DHRSX: variants seen among roughly 807,000 people sequenced by gnomAD.
DHRSX encodes the protein dehydrogenase/reductase X-linked.
DHRSX carries 31 observed loss-of-function variants against 34.0 expected under a neutral mutation model. That is an observed-to-expected ratio of 0.91 (90% confidence interval 0.69 to 1.23). DHRSX has a LOEUF of 1.23. Among genes scored for constraint, DHRSX ranks in the 50% most tolerant of loss-of-function variants. DHRSX has a pLI of 0.00. For missense variants in DHRSX, 414 were observed against 428.1 expected, an observed-to-expected ratio of 0.97 and a Z score of 0.29; for synonymous variants, 201 against 183.8, an observed-to-expected ratio of 1.09 and a Z score of -0.76.
At chrX:2,489,794 C>G in intron 1 of DHRSX, 2 of 1,613,476 alleles carry the variant, frequency 1.2e-6, no homozygotes, top group Non-Finnish European at 1.7e-6. Context: ...CAGCAGCGCC[C>G]CCAGCTTCGG....
At chrX:2,236,856 G>A (rs1460249094) in intron 6 of DHRSX, among the ~76,000 whole-genome samples, 30 of 150,896 alleles carry the variant, frequency 2.0e-4, no homozygotes, top group Non-Finnish European at 3.8e-4. Context: ...AGAAGGTCCA[G>A]AGAGGGTGGT....
chrX:2,405,187 A>G (rs920149810), intron 3 of DHRSX, among the ~76,000 whole-genome samples: 4 of 152,112 alleles, frequency 2.6e-5, no homozygotes, highest in Non-Finnish European at 5.9e-5. Flanking sequence ...TTTCACTCTC[A>G]TGGCTTTAAA....
At chrX:2,329,051 ATTAT>A (rs1315174659) in intron 3 of DHRSX, among the ~76,000 whole-genome samples, 1 of 152,194 alleles carries the variant, frequency 6.6e-6, no homozygotes, top group African/African-American at 2.4e-5. Flanking sequence ...AGAAATAAAA[ATTAT>A]TTAATTATTC....
chrX:2,459,371 G>C (rs770107498), intron 1 of DHRSX, among the ~76,000 whole-genome samples: 12 of 151,870 alleles, frequency 7.9e-5, no homozygotes, highest in East Asian at 3.9e-4. Flanking sequence ...TAATTAGCTT[G>C]ATTGTTAATA....
intron 4 of DHRSX, among the ~76,000 whole-genome samples, chrX:2,273,965 C>T (rs1265204285): frequency 2.0e-5 from 3 of 152,152 alleles, no homozygotes; most frequent in Non-Finnish European, 2.9e-5. Context: ...AGCAGCCACG[C>T]GCAGGGGCCC....
At chrX:2,347,333 G>A (rs1221820441) in intron 3 of DHRSX, among the ~76,000 whole-genome samples, 10 of 152,124 alleles carry the variant, frequency 6.6e-5, no homozygotes, top group Non-Finnish European at 1.2e-4. Flanking sequence ...GAACAGCAGG[G>A]CAAAGACCTG....
At chrX:2,250,315 G>A (rs73628253) in intron 5 of DHRSX, among the ~76,000 whole-genome samples, 17,915 of 151,996 alleles carry the variant, frequency 0.12, 3,315 homozygotes, top group African/African-American at 0.39. Context: ...CTTGGATCTC[G>A]TGAGAAAGAA....
At chrX:2,275,618 A>C (rs2124473683) in intron 4 of DHRSX, among the ~76,000 whole-genome samples, 1 of 151,946 alleles carries the variant, frequency 6.6e-6, no homozygotes, top group South Asian at 2.1e-4. Context: ...TGCACCCCTA[A>C]GCCCTTTTTT....
intron 5 of DHRSX, among the ~76,000 whole-genome samples, chrX:2,266,349 A>G (rs1050778249): frequency 3.4e-5 from 5 of 145,090 alleles, no homozygotes; most frequent in Non-Finnish European, 7.5e-5. Context: ...CTGTCCCCAG[A>G]GCACCAGTGC....
chrX:2,291,390 A>G (rs1602881138), intron 4 of DHRSX, 112 bp downstream of exon 4: 4 of 820,620 alleles, frequency 4.9e-6, no homozygotes, highest in Non-Finnish European at 8.3e-6. Context: ...GGTATGTTCA[A>G]TAATTCCCAT....
chrX:2,484,077 G>A (rs1378620722), intron 1 of DHRSX, among the ~76,000 whole-genome samples: 1 of 152,212 alleles, frequency 6.6e-6, no homozygotes, highest in East Asian at 1.9e-4. Context: ...CCTGGTTCAC[G>A]CGATTCTCCT....
intron 5 of DHRSX, among the ~76,000 whole-genome samples, chrX:2,263,725 A>T (rs1301517267): frequency 6.6e-6 from 1 of 151,830 alleles, no homozygotes; most frequent in Non-Finnish European, 1.5e-5. Flanking sequence ...GTTGGTCAGG[A>T]TGGTCTCGAT....
chrX:2,492,161 C>T lies in DHRSX; in HGVS notation c.109+8656G>A, dbSNP rs772626201. ...AAAGAAAATCTGTATCCACCTGGTACTTGTGTATGGGACCTTGTTTGGAAA... is the reference window on the plus strand; with the variant it reads ...AAAGAAAATCTGTATCCACCTGGTATTTGTGTATGGGACCTTGTTTGGAAA... On this transcript the variant is annotated intron_variant, in intron 1 of 6. Transcript: ENST00000334651. Among the ~76,000 whole-genome samples the T allele has an allele frequency of 3.3e-5, 5 of 152,260 alleles. No individual in the cohort carries two copies. The East Asian group carries it at 5.8e-4, about 18-fold the overall frequency.
At chrX:2,350,178 C>T (rs2042772627) in intron 3 of DHRSX, among the ~76,000 whole-genome samples, 1 of 151,914 alleles carries the variant, frequency 6.6e-6, no homozygotes, top group South Asian at 2.1e-4. Context: ...GGGGAAACAC[C>T]GTCTCTACTA....
At position 2,276,893 on chromosome X, in the gene DHRSX, A is replaced by AAG. The variant is rs1376426949; in HGVS notation, c.389-9948_389-9947dup. 6.4e-3 allele frequency among the ~76,000 whole-genome samples: 85 copies of AAG among 13,214 alleles called. 14 individuals carry two copies. The highest frequency in any genetic ancestry group is 0.12 in the Middle Eastern group (2 of 16). The allele number at this position is 13,214 out of a possible 152,430, so 8.7% of individuals were successfully genotyped here. ...GAGAAGGAGGGGAGGAAATAGGGGA[A>AAG]AGAGAGAAAGAGAGATGGAGAGGGA... On this transcript the variant is annotated intron_variant, in intron 4 of 6. Coordinates refer to ENST00000334651, the MANE Select transcript of DHRSX (RefSeq NM_145177.3).
At chrX:2,226,365 G>GC (rs1478996918) in intron 6 of DHRSX, among the ~76,000 whole-genome samples, 1 of 152,064 alleles carries the variant, frequency 6.6e-6, no homozygotes, top group Non-Finnish European at 1.5e-5. Context: ...CATTCAGTCT[G>GC]CCCCACAGCT....
intron 3 of DHRSX, among the ~76,000 whole-genome samples, chrX:2,349,153 T>A (rs1350489333): frequency 2.6e-5 from 4 of 152,146 alleles, no homozygotes; most frequent in Non-Finnish European, 5.9e-5. Flanking sequence ...TGCTTCTAGG[T>A]ATTTATCCAA....
intron 1 of DHRSX, chrX:2,490,836 G>T: frequency 7.0e-7 from 1 of 1,429,052 alleles, no homozygotes; most frequent in Non-Finnish European, 9.5e-7. Flanking sequence ...AGCCCTGCCG[G>T]GGAGACAGAC....
chrX:2,314,760 C>T (rs1321463813), intron 3 of DHRSX, among the ~76,000 whole-genome samples: 1 of 151,968 alleles, frequency 6.6e-6, no homozygotes, highest in Non-Finnish European at 1.5e-5. Flanking sequence ...GGAATTTGGG[C>T]AAGATAAAAA....
Sources: allele counts gnomAD v4.1 joint callset (sites outside exome capture counted in the v4.1 genomes callset), GRCh38; gene constraint gnomAD v4.1.1; transcripts MANE v1.5; gene names NCBI Gene and HGNC (gene_info 2026-07-23, HGNC 2026-07-21).